The following PCDH15 variants were observed in gnomAD, a reference collection of about 807,000 sequenced individuals.
The protein encoded by PCDH15 is protocadherin related 15.
In PCDH15, 129 loss-of-function variants were observed where a neutral mutation model predicts 178.5. The ratio of observed to expected loss-of-function variants is 0.72; its 90% CI spans 0.63 to 0.84. PCDH15 has a LOEUF of 0.84. Ranked by LOEUF, PCDH15 falls within the 40% of genes least tolerant of loss-of-function variation. PCDH15 has a pLI of 0.00. For missense variants in PCDH15, 2,230 were observed against 2,099.9 expected, an observed-to-expected ratio of 1.06 and a Z score of -1.21; for synonymous variants, 800 against 732.0, an observed-to-expected ratio of 1.09 and a Z score of -1.50.
intron 8 of PCDH15, among the ~76,000 whole-genome samples, chr10:54,314,063 A>G (rs907103263): frequency 6.6e-6 from 1 of 152,008 alleles, no homozygotes; most frequent in Non-Finnish European, 1.5e-5. Flanking sequence ...ACTCGGAAAC[A>G]TAAATTAATA....
intron 7 of PCDH15, among the ~76,000 whole-genome samples, chr10:54,328,051 TATA>T (rs1938568299): frequency 6.6e-6 from 1 of 152,036 alleles, no homozygotes; most frequent in South Asian, 2.1e-4. Flanking sequence ...TGGACAAATG[TATA>T]ATGATATCTA....
At chr10:54,272,844 G>A (rs746201262) in intron 8 of PCDH15, among the ~76,000 whole-genome samples, 9 of 151,966 alleles carry the variant, frequency 5.9e-5, no homozygotes, top group Non-Finnish European at 8.8e-5. Flanking sequence ...ATTTCACTTA[G>A]CATTTTTAAA....
chr10:54,433,792 G>A (rs9416348), intron 3 of PCDH15, among the ~76,000 whole-genome samples: 28,766 of 151,892 alleles, frequency 0.19, 3,173 homozygotes, highest in African/African-American at 0.3. Flanking sequence ...CCGTATCAAA[G>A]CATCTCACAT....
At chr10:55,602,310 G>T (rs1843104251) in intron 2 of PCDH15, among the ~76,000 whole-genome samples, 1 of 151,828 alleles carries the variant, frequency 6.6e-6, no homozygotes, top group Non-Finnish European at 1.5e-5. Context: ...GAGGCTGGGG[G>T]AGGGGCGCCC....
intron 2 of PCDH15, among the ~76,000 whole-genome samples, chr10:55,329,209 G>T (rs140250337): frequency 1.6e-5 from 1 of 61,590 alleles, no homozygotes; most frequent in Non-Finnish European, 3.3e-5. Flanking sequence ...CATGGGATCT[G>T]GGAATTCAAA....
At chr10:55,204,553 A>T (rs1840342982) in intron 1 of PCDH15, among the ~76,000 whole-genome samples, 1 of 152,044 alleles carries the variant, frequency 6.6e-6, no homozygotes, top group East Asian at 1.9e-4. Context: ...CTTATTGATC[A>T]AATATTACCA....
chr10:54,372,338 C>T (rs1947801352), intron 4 of PCDH15, among the ~76,000 whole-genome samples: 1 of 151,690 alleles, frequency 6.6e-6, no homozygotes, highest in African/African-American at 2.4e-5. Flanking sequence ...CTGCTAAGTA[C>T]CCATAAATTA....
chr10:54,046,503 AAAG>A (rs1175910707), intron 18 of PCDH15, among the ~76,000 whole-genome samples: 1 of 152,182 alleles, frequency 6.6e-6, no homozygotes, highest in Non-Finnish European at 1.5e-5. Flanking sequence ...AATATGAATG[AAAG>A]AAGACAGATA....
intron 2 of PCDH15, among the ~76,000 whole-genome samples, chr10:55,110,226 TC>T (rs1837465593): frequency 6.6e-6 from 1 of 152,016 alleles, no homozygotes; most frequent in African/African-American, 2.4e-5. Context: ...CCATGTTATA[TC>T]AGGTAAGTTC....
At chr10:54,086,939 C>T (rs1436553147) in intron 16 of PCDH15, among the ~76,000 whole-genome samples, 2 of 152,118 alleles carry the variant, frequency 1.3e-5, no homozygotes, top group Non-Finnish European at 2.9e-5. Flanking sequence ...ATTCCAAATG[C>T]AGAGATGAGA....
intron 1 of PCDH15, among the ~76,000 whole-genome samples, chr10:55,220,511 T>A (rs1840842167): frequency 6.6e-6 from 1 of 152,172 alleles, no homozygotes; most frequent in Admixed American, 6.5e-5. Context: ...TAGAGTATAC[T>A]TACACAAGCC....
intron 2 of PCDH15, among the ~76,000 whole-genome samples, chr10:55,084,720 T>C (rs116016209): frequency 0.041 from 6,143 of 151,640 alleles, 298 homozygotes; most frequent in East Asian, 0.14. Context: ...GCTCAAACAA[T>C]TATATAGGAA....
intron 1 of PCDH15, among the ~76,000 whole-genome samples, chr10:55,181,404 T>C (rs1839643214): frequency 6.6e-6 from 1 of 152,050 alleles, no homozygotes; most frequent in South Asian, 2.1e-4. Context: ...ATATACTAAT[T>C]AATGTTTCTT....
intron 2 of PCDH15, among the ~76,000 whole-genome samples, chr10:55,529,740 A>AATATATAT (rs1841400952): frequency 5.0e-5 from 1 of 19,920 alleles, no homozygotes; most frequent in African/African-American, 2.2e-4. Context: ...TTTGTCTGTG[A>AATATATAT]GTATATATAT....
At chr10:55,301,971 T>A (rs1843293404) in intron 1 of PCDH15, among the ~76,000 whole-genome samples, 1 of 152,182 alleles carries the variant, frequency 6.6e-6, no homozygotes. Flanking sequence ...AAAACAGCAC[T>A]GTCTTGATTA....
At chr10:55,198,409 G>A (rs1840151812) in intron 1 of PCDH15, among the ~76,000 whole-genome samples, 2 of 152,086 alleles carry the variant, frequency 1.3e-5, no homozygotes, top group Admixed American at 1.3e-4. Flanking sequence ...ATGAAATCTG[G>A]TTGCTTTAAA....
chr10:55,227,153 T>A (rs1207859705), intron 1 of PCDH15, among the ~76,000 whole-genome samples: 1 of 151,962 alleles, frequency 6.6e-6, no homozygotes, highest in Non-Finnish European at 1.5e-5. Flanking sequence ...CAAAACATCA[T>A]AGAGCAGACA....
At chr10:55,593,930 T>C (rs1842893141) in intron 2 of PCDH15, among the ~76,000 whole-genome samples, 2 of 152,068 alleles carry the variant, frequency 1.3e-5, no homozygotes, top group South Asian at 2.1e-4. Context: ...TGGCAATTTC[T>C]ATACATGTAT....
intron 2 of PCDH15, among the ~76,000 whole-genome samples, chr10:54,531,558 C>T (rs1263861246): frequency 2.0e-5 from 3 of 151,914 alleles, no homozygotes; most frequent in African/African-American, 4.8e-5. Flanking sequence ...TAGGATTTTC[C>T]GAATATGCTC....
Sources: gnomAD v4.1 joint callset for allele counts (sites outside exome capture counted in the v4.1 genomes callset) on GRCh38, gnomAD v4.1.1 for gene constraint, MANE v1.5 for transcripts, NCBI Gene and HGNC (gene_info 2026-07-23, HGNC 2026-07-21) for gene names.